SDK1: variants seen among roughly 807,000 people sequenced by gnomAD.
The protein encoded by SDK1 is protein sidekick-1.
A neutral mutation model predicts 245.5 loss-of-function variants in SDK1; 157 were observed. The ratio of observed to expected loss-of-function variants is 0.64; its 90% confidence interval spans 0.56 to 0.73. The LOEUF is 0.73. Ranked by LOEUF, SDK1 falls within the 30% of genes least tolerant of loss-of-function variation. SDK1 has a pLI of 0.00. For synonymous variants in SDK1, 1,647 were observed against 1,278.5 expected, an observed-to-expected ratio of 1.29 and a Z score of -6.15; for missense variants, 3,583 against 3,002.3, an observed-to-expected ratio of 1.19 and a Z score of -4.52.
At chr7:3,507,149 A>G (rs1472686050) in intron 1 of SDK1, among the ~76,000 whole-genome samples, 2 of 152,084 alleles carry the variant, frequency 1.3e-5, no homozygotes, top group Non-Finnish European at 2.9e-5. Flanking sequence ...TGTTTACTGA[A>G]GTTCCAGTGG....
At position 3,969,821 on chromosome 7, in the gene SDK1, C is replaced by T. The variant is rs904400319; in HGVS notation, c.1714+397C>T. Among the ~76,000 whole-genome samples, 29 of 152,174 alleles carry T rather than the reference C, an allele frequency of 1.9e-4. 1 individual carries two copies. The highest frequency in any genetic ancestry group is 2.9e-5 in the Non-Finnish European group (2 of 68,040). On this transcript the variant is annotated intron_variant, in intron 11 of 44. Coordinates refer to ENST00000404826, the MANE Select transcript of SDK1 (RefSeq NM_152744.4). ...TTTGTTAGGGACAACTAAAACACTT[C>T]TAATACACTAACCATCAATGTTTCT...
intron 5 of SDK1, among the ~76,000 whole-genome samples, chr7:3,925,552 G>A (rs982658113): frequency 3.9e-5 from 6 of 152,214 alleles, no homozygotes; most frequent in African/African-American, 1.4e-4. Context: ...CATGCAGGAT[G>A]CTTCTCCAGA....
chr7:4,013,432 C>T (rs778174904), intron 16 of SDK1, among the ~76,000 whole-genome samples: 5 of 152,146 alleles, frequency 3.3e-5, no homozygotes, highest in East Asian at 1.9e-4. Flanking sequence ...AGTGGGTATC[C>T]GCTTATTCCC....
chr7:3,809,532 A>C (rs190866211), intron 4 of SDK1, among the ~76,000 whole-genome samples: 2 of 152,332 alleles, frequency 1.3e-5, no homozygotes, highest in East Asian at 3.9e-4. Context: ...TCTTAACACG[A>C]GAGTGGAACC....
intron 4 of SDK1, among the ~76,000 whole-genome samples, chr7:3,658,260 A>G: frequency 6.6e-6 from 1 of 152,164 alleles, no homozygotes. Flanking sequence ...TGCTGTAATG[A>G]GATCTGACCA....
At chr7:3,491,845 A>C (rs1316874709) in intron 1 of SDK1, among the ~76,000 whole-genome samples, 1 of 152,232 alleles carries the variant, frequency 6.6e-6, no homozygotes, top group Non-Finnish European at 1.5e-5. Context: ...TATCCATATA[A>C]AGCCTTGCTT....
intron 1 of SDK1, among the ~76,000 whole-genome samples, chr7:3,545,032 G>C (rs1421850514): frequency 1.3e-5 from 2 of 152,154 alleles, no homozygotes; most frequent in African/African-American, 4.8e-5. Flanking sequence ...ACTGATGGAG[G>C]GGGCAGGAGA....
At chr7:3,569,999 C>T (rs34548604) in intron 1 of SDK1, among the ~76,000 whole-genome samples, 6 of 152,068 alleles carry the variant, frequency 3.9e-5, no homozygotes, top group Non-Finnish European at 7.3e-5. Flanking sequence ...TTTCTCTTAC[C>T]AGTCTGTTTT....
At chr7:3,819,696 C>T (rs1779595563) in intron 4 of SDK1, among the ~76,000 whole-genome samples, 3 of 151,846 alleles carry the variant, frequency 2.0e-5, no homozygotes, top group African/African-American at 7.3e-5. Context: ...TTGAAAACTT[C>T]CTAATAGGGA....
intron 1 of SDK1, among the ~76,000 whole-genome samples, chr7:3,329,353 G>C (rs926455519): frequency 2.0e-5 from 3 of 151,898 alleles, no homozygotes; most frequent in African/African-American, 7.3e-5. Flanking sequence ...ATACTTTTTT[G>C]AAAACAGCTT....
chr7:4,130,858 G>A (rs958016674), intron 27 of SDK1, among the ~76,000 whole-genome samples: 3 of 152,158 alleles, frequency 2.0e-5, no homozygotes, highest in Non-Finnish European at 4.4e-5. Flanking sequence ...GGATCGGAGT[G>A]GCTGAAGAAG....
At chr7:4,141,067 TGAGA>T (rs969059555) in intron 28 of SDK1, among the ~76,000 whole-genome samples, 4 of 152,196 alleles carry the variant, frequency 2.6e-5, no homozygotes, top group Non-Finnish European at 5.9e-5. Flanking sequence ...CAGGAGCTTC[TGAGA>T]GAGAGGCAAG....
chr7:4,033,398 G>T (rs1009788075), intron 17 of SDK1, among the ~76,000 whole-genome samples: 1 of 152,168 alleles, frequency 6.6e-6, no homozygotes, highest in Non-Finnish European at 1.5e-5. Context: ...TAACCTGGAA[G>T]TGGGGAAAAC....
chr7:4,074,684 G>C (rs1026106990), intron 20 of SDK1, among the ~76,000 whole-genome samples: 3 of 151,612 alleles, frequency 2.0e-5, no homozygotes, highest in African/African-American at 7.3e-5. Flanking sequence ...AACACAGTGA[G>C]ACCCTCATCT....
At chr7:3,992,504 AT>A (rs1431498157) in intron 14 of SDK1, among the ~76,000 whole-genome samples, 5 of 152,078 alleles carry the variant, frequency 3.3e-5, no homozygotes, top group Non-Finnish European at 5.9e-5. Context: ...AGCCTGGGGG[AT>A]CCCTGCATTG....
intron 35 of SDK1, among the ~76,000 whole-genome samples, chr7:4,205,558 C>T (rs1278971478): frequency 1.3e-5 from 2 of 152,212 alleles, no homozygotes; most frequent in African/African-American, 4.8e-5. Context: ...TTCAAATACT[C>T]TGCTAACTGT....
chr7:3,840,220 C>T (rs1020056823), intron 5 of SDK1, among the ~76,000 whole-genome samples: 9 of 151,790 alleles, frequency 5.9e-5, no homozygotes, highest in South Asian at 2.1e-4. Flanking sequence ...GAGGCATATG[C>T]GTAATTTTAA....
chr7:3,627,818 C>G (rs969048764), intron 2 of SDK1, among the ~76,000 whole-genome samples: 4 of 152,164 alleles, frequency 2.6e-5, no homozygotes, highest in African/African-American at 7.2e-5. Context: ...AGTGGATGCT[C>G]TCTAGTGATA....
Position 3,950,957 on chromosome 7 carries a change from C to A in SDK1, c.882C>A (p.Thr294=). ...DVGTPETMAP[T]IVVPPGNRSV... The stretch of plus-strand genomic sequence containing the variant: ...GCACACCTGAAACCATGGCCCCAAC[C>A]ATTGTGGTTCCCCCGGGCAACAGAA... The change falls in exon 6 of 45, where the codon ACC becomes ACA. Residue 294 remains threonine (T), a synonymous_variant. Transcript: ENST00000404826. The A allele has an allele frequency of 6.2e-7, 1 of 1,614,080 alleles. No individual in the cohort carries two copies. The highest frequency in any genetic ancestry group is 8.5e-7 in the Non-Finnish European group (1 of 1,179,996).
Sources: gnomAD v4.1 joint callset for allele counts (sites outside exome capture counted in the v4.1 genomes callset) on GRCh38, gnomAD v4.1.1 for gene constraint, MANE v1.5 for transcripts, NCBI Gene and HGNC (gene_info 2026-07-23, HGNC 2026-07-21) for gene names.